ZBTB37: variants seen among roughly 807,000 people sequenced by gnomAD.
The protein encoded by ZBTB37 is zinc finger and BTB domain containing 37.
In ZBTB37, 15 loss-of-function variants were observed where a neutral mutation model predicts 37.7. The ratio of observed to expected loss-of-function variants is 0.40; its 90% CI spans 0.27 to 0.61. The LOEUF is 0.61. Ranked by LOEUF, ZBTB37 falls within the 20% of genes least tolerant of loss-of-function variation. ZBTB37 has a pLI of 0.44. For missense variants in ZBTB37, 514 were observed against 641.9 expected, an observed-to-expected ratio of 0.80 and a Z score of 2.15; for synonymous variants, 231 against 220.6, an observed-to-expected ratio of 1.05 and a Z score of -0.42.
exon 4 of ZBTB37, chr1:173,891,886 TTGAATC>T (rs1289964684): frequency 6.6e-6 from 1 of 152,206 alleles, no homozygotes; most frequent in African/African-American, 2.4e-5. Flanking sequence ...TATAGGGAGT[TTGAATC>T]TGTTGTGAGC....
At chr1:173,885,954 T>G in exon 5 of ZBTB37, 1 of 1,551,764 alleles carries the variant, frequency 6.4e-7, no homozygotes. Flanking sequence ...GAATCAGCAC[T>G]TTCGCAAAAA....
intron 3 of ZBTB37, among the ~76,000 whole-genome samples, chr1:173,872,265 G>C (rs1321664468): frequency 6.6e-6 from 1 of 151,934 alleles, no homozygotes; most frequent in Non-Finnish European, 1.5e-5. Context: ...AGTAGAGATG[G>C]GGTTTTACCA....
chr1:173,877,207 A>T (rs1205843427), intron 4 of ZBTB37, among the ~76,000 whole-genome samples: 1 of 152,138 alleles, frequency 6.6e-6, no homozygotes. Flanking sequence ...GTCAGACGTT[A>T]CAACTTAATG....
chr1:173,876,085 C>G (rs1307273902), intron 4 of ZBTB37, among the ~76,000 whole-genome samples: 1 of 151,712 alleles, frequency 6.6e-6, no homozygotes, highest in African/African-American at 2.4e-5. Context: ...TTTCTATTTT[C>G]TTTGCAACTC....
chr1:173,882,006 A>T (rs1478156724), intron 4 of ZBTB37, among the ~76,000 whole-genome samples: 1 of 151,628 alleles, frequency 6.6e-6, no homozygotes, highest in Non-Finnish European at 1.5e-5. Context: ...GTGAGCTGAC[A>T]TCACACCACC....
intron 4 of ZBTB37, among the ~76,000 whole-genome samples, chr1:173,881,777 G>A (rs543377922): frequency 9.9e-5 from 15 of 152,168 alleles, no homozygotes; most frequent in Admixed American, 3.9e-4. Context: ...CTGTTCGGCC[G>A]GGCGTGGTGG....
At chr1:173,886,315 G>A (rs967602504) in exon 5 of ZBTB37, 39 of 806,390 alleles carry the variant, frequency 4.8e-5, no homozygotes, top group Middle Eastern at 3.8e-4. Flanking sequence ...CTTATTGCCC[G>A]CCTCACACTT....
intron 4 of ZBTB37, among the ~76,000 whole-genome samples, chr1:173,875,114 TTATGTGTGTGTGTG>T (rs1414689108): frequency 2.1e-5 from 2 of 93,384 alleles, no homozygotes; most frequent in African/African-American, 9.1e-5. Context: ...AGTCTGATTA[TTATGTGTGTGTGTG>T]TGTGTGTGTG....
exon 5 of ZBTB37, chr1:173,886,359 C>G (rs1572071363): frequency 5.1e-6 from 3 of 584,634 alleles, no homozygotes; most frequent in Non-Finnish European, 2.9e-6. Context: ...CTTTCTAATT[C>G]AGGGATCAAC....
chr1:173,885,638 A>G (rs916995618), exon 5 of ZBTB37: 1 of 1,550,106 alleles, frequency 6.5e-7, no homozygotes, highest in Admixed American at 2.0e-5. Context: ...TGGTACAGGT[A>G]GAAGAGTCAG....
At chr1:173,879,404 T>TG (rs1205856130) in intron 4 of ZBTB37, among the ~76,000 whole-genome samples, 2 of 152,106 alleles carry the variant, frequency 1.3e-5, no homozygotes, top group Admixed American at 6.6e-5. Flanking sequence ...GGTTTTCTTT[T>TG]GGGGGTCGAT....
chr1:173,902,239 C>T (rs1244268767), exon 4 of ZBTB37: 1 of 152,198 alleles, frequency 6.6e-6, no homozygotes, highest in Non-Finnish European at 1.5e-5. Flanking sequence ...ATCAACTATG[C>T]CCACCTCTTC....
At chr1:173,872,157 C>T (rs1326671810) in intron 3 of ZBTB37, among the ~76,000 whole-genome samples, 1 of 152,118 alleles carries the variant, frequency 6.6e-6, no homozygotes, top group African/African-American at 2.4e-5. Context: ...CAAGCTCTGC[C>T]TCCCAGGTTC....
downstream of ZBTB37, chr1:173,890,378 T>A (rs930808321): frequency 5.3e-5 from 8 of 152,182 alleles, no homozygotes; most frequent in Non-Finnish European, 1.0e-4. Flanking sequence ...AGGCATTTAA[T>A]CAGGAAGAGT....
At chr1:173,903,274 C>A in exon 4 of ZBTB37, 1 of 151,732 alleles carries the variant, frequency 6.6e-6, no homozygotes, top group Non-Finnish European at 1.5e-5. Context: ...GGAGGGTGGG[C>A]AGAGACTCGG....
chr1:173,869,748 T>G (rs1197950126), intron 2 of ZBTB37, among the ~76,000 whole-genome samples: 1 of 151,636 alleles, frequency 6.6e-6, no homozygotes, highest in Non-Finnish European at 1.5e-5. Flanking sequence ...TTGCAGCAGG[T>G]AGTAAAATAC....
At chr1:173,884,247 G>A (rs182876877) in intron 4 of ZBTB37, among the ~76,000 whole-genome samples, 28 of 151,640 alleles carry the variant, frequency 1.8e-4, no homozygotes, top group Non-Finnish European at 3.1e-4. Flanking sequence ...GGCTTCCCAG[G>A]CTCAAATGAT....
intron 3 of ZBTB37, 95 bp downstream of exon 3, chr1:173,871,243 G>A: frequency 1.4e-5 from 17 of 1,234,720 alleles, no homozygotes; most frequent in Non-Finnish European, 1.7e-5. Context: ...TTCCTTACCT[G>A]ATTTTCTTGG....
chr1:173,871,910 A>G (rs944149194), intron 3 of ZBTB37, among the ~76,000 whole-genome samples: 1 of 152,162 alleles, frequency 6.6e-6, no homozygotes. Flanking sequence ...ACTAATTTAG[A>G]TTGGTAATAT....
Sources: gnomAD v4.1 joint callset for allele counts (sites outside exome capture counted in the v4.1 genomes callset) on GRCh38, gnomAD v4.1.1 for gene constraint, MANE v1.5 for transcripts, NCBI Gene and HGNC (gene_info 2026-07-23, HGNC 2026-07-21) for gene names.